Variants in ARHGEF4 observed in about 807,000 individuals in gnomAD.
ARHGEF4 encodes the protein Rho guanine nucleotide exchange factor 4, also known as APC-stimulated guanine nucleotide exchange factor 1.
Under a neutral mutation model 162.0 loss-of-function variants are expected in ARHGEF4, and 119 were observed. The ratio of observed to expected loss-of-function variants is 0.73; its 90% CI spans 0.63 to 0.86. The LOEUF is 0.86. ARHGEF4 is among the 40% of genes least tolerant of loss of function. ARHGEF4 has a pLI of 0.00. For synonymous variants in ARHGEF4, 1,014 were observed against 979.9 expected, an observed-to-expected ratio of 1.03 and a Z score of -0.65; for missense variants, 2,488 against 2,456.0, an observed-to-expected ratio of 1.01 and a Z score of -0.28.
chr2:131,044,000 C>T (rs1362107267), intron 11 of ARHGEF4, among the ~76,000 whole-genome samples: 1 of 152,188 alleles, frequency 6.6e-6, no homozygotes, highest in African/African-American at 2.4e-5. Context: ...CCTCCTTGTC[C>T]ACGGGTGATC....
chr2:131,011,901 C>G lies in ARHGEF4; in HGVS notation c.3986-16044C>G, dbSNP rs963597044. On this transcript the variant is annotated intron_variant, in intron 4 of 13. Coordinates refer to ENST00000409359, the MANE Select transcript of ARHGEF4 (RefSeq NM_001367493.1). Reference sequence around the variant, plus strand: ...GGCGGAGGGGCAGAGATGGGACCTGCACTGGAGGTACGTGGTGGACAGATG... The same window carrying G: ...GGCGGAGGGGCAGAGATGGGACCTGGACTGGAGGTACGTGGTGGACAGATG... 7 of 702,834 alleles carry G rather than the reference C, an allele frequency of 1.0e-5. No individual in the cohort carries two copies. In the African/African-American group the frequency reaches 1.0e-4, roughly 11 times the overall value. 43.5% of individuals were successfully genotyped at this position (702,834 alleles called of 1,614,324 possible). A position where few individuals can be genotyped will look rare whatever the true frequency, so the allele number is the denominator to read the frequency against.
At chr2:131,045,490 C>A in intron 13 of ARHGEF4, 44 bp downstream of exon 13, 1 of 1,613,608 alleles carries the variant, frequency 6.2e-7, no homozygotes, top group South Asian at 1.1e-5. Flanking sequence ...CCGGTCCTTA[C>A]CCTGCTGACA....
chr2:131,040,557 C>T (rs1248176996), intron 8 of ARHGEF4, 117 bp downstream of exon 8: 11 of 1,182,244 alleles, frequency 9.3e-6, no homozygotes, highest in Middle Eastern at 2.9e-4. Flanking sequence ...TGGGCCCCAG[C>T]TCCAGCCCTC....
intron 5 of ARHGEF4, among the ~76,000 whole-genome samples, chr2:131,031,734 G>T (rs988001474): frequency 1.3e-5 from 2 of 152,190 alleles, no homozygotes; most frequent in African/African-American, 4.8e-5. Context: ...TCCAGCACTG[G>T]CCCCTCTAGG....
At chr2:130,837,035 C>T in intron 1 of ARHGEF4, 43 bp downstream of exon 1, 4 of 1,225,894 alleles carry the variant, frequency 3.3e-6, no homozygotes, top group Non-Finnish European at 3.0e-6. Context: ...CTCCCGGCGC[C>T]CTGCGCGGGT....
intron 1 of ARHGEF4, among the ~76,000 whole-genome samples, chr2:130,868,353 T>C (rs1053909937): frequency 2.7e-5 from 4 of 150,750 alleles, no homozygotes; most frequent in South Asian, 2.1e-4. Context: ...CAGCAGACAG[T>C]CACCCAGCTG....
At chr2:130,837,631 A>C (rs1293979044) in intron 1 of ARHGEF4, 1 of 451,026 alleles carries the variant, frequency 2.2e-6, no homozygotes, top group Admixed American at 2.4e-5. Context: ...CAGGAACCCC[A>C]AGATGGGCCG....
chr2:131,041,187 G>T, intron 8 of ARHGEF4, 43 bp from the exon 9 acceptor site: 1 of 1,563,646 alleles, frequency 6.4e-7, no homozygotes, highest in Non-Finnish European at 8.7e-7. Flanking sequence ...ATTGCCTGTG[G>T]GAGCAGCAGA....
chr2:131,013,389 A>G (rs929783149), intron 4 of ARHGEF4, among the ~76,000 whole-genome samples: 2 of 152,188 alleles, frequency 1.3e-5, no homozygotes, highest in African/African-American at 4.8e-5. Context: ...GAGACCAGCC[A>G]GCATAAAAGG....
intron 5 of ARHGEF4, among the ~76,000 whole-genome samples, chr2:131,037,369 G>T (rs892057222): frequency 2.6e-5 from 4 of 151,900 alleles, no homozygotes; most frequent in Admixed American, 2.6e-4. Context: ...TGCCCATTCA[G>T]GCAGAGGCCT....
At chr2:130,941,631 A>G (rs1683303919) in intron 3 of ARHGEF4, among the ~76,000 whole-genome samples, 1 of 152,226 alleles carries the variant, frequency 6.6e-6, no homozygotes, top group African/African-American at 2.4e-5. Context: ...AGTAGTATAT[A>G]TAGTATTGTT....
At chr2:131,023,074 C>CAAAAAAAAAAAAAAAAAAAAAAAAA (rs56868632) in intron 4 of ARHGEF4, among the ~76,000 whole-genome samples, 1 of 66,650 alleles carries the variant, frequency 1.5e-5, no homozygotes, top group African/African-American at 5.5e-5. Flanking sequence ...AACCCTGTCT[C>CAAAAAAAAAAAAAAAAAAAAAAAAA]AAAAAAAAAA....
chr2:130,893,522 CT>C (rs1679980433), intron 1 of ARHGEF4, among the ~76,000 whole-genome samples: 1 of 152,208 alleles, frequency 6.6e-6, no homozygotes, highest in Non-Finnish European at 1.5e-5. Flanking sequence ...TGCCATGACT[CT>C]TTTCTGCTTT....
chr2:130,955,754 TG>T (rs1303265341), intron 4 of ARHGEF4, among the ~76,000 whole-genome samples: 2 of 152,256 alleles, frequency 1.3e-5, no homozygotes, highest in Non-Finnish European at 2.9e-5. Context: ...GTATTTCTTC[TG>T]ATCCTAGAAG....
At chr2:130,937,386 C>G (rs1683021509) in intron 3 of ARHGEF4, among the ~76,000 whole-genome samples, 1 of 152,028 alleles carries the variant, frequency 6.6e-6, no homozygotes, top group Non-Finnish European at 1.5e-5. Context: ...TTTTTTCTGC[C>G]TACTCAGACA....
chr2:130,945,706 A>C (rs977321229), intron 3 of ARHGEF4, among the ~76,000 whole-genome samples: 1 of 152,076 alleles, frequency 6.6e-6, no homozygotes, highest in African/African-American at 2.4e-5. Flanking sequence ...TCCCCAGTCT[A>C]CCTGCTGCTG....
intron 4 of ARHGEF4, among the ~76,000 whole-genome samples, chr2:131,012,873 G>A (rs749418311): frequency 3.9e-5 from 6 of 152,202 alleles, no homozygotes; most frequent in South Asian, 2.1e-4. Context: ...GAGCCACCGC[G>A]CCTGGCTATG....
intron 1 of ARHGEF4, among the ~76,000 whole-genome samples, chr2:130,903,119 A>ATT (rs56943344): frequency 0.54 from 77,486 of 144,322 alleles, 22,947 homozygotes; most frequent in East Asian, 0.76. Context: ...TCTTCTGCTT[A>ATT]TTTTTTTTTT....
At chr2:131,002,498 C>T (rs1308405183) in intron 4 of ARHGEF4, among the ~76,000 whole-genome samples, 1 of 152,002 alleles carries the variant, frequency 6.6e-6, no homozygotes, top group Non-Finnish European at 1.5e-5. Context: ...ATCACGAGGT[C>T]AGGAGATCGA....
Sources: gnomAD v4.1 joint callset for allele counts (sites outside exome capture counted in the v4.1 genomes callset) on GRCh38, gnomAD v4.1.1 for gene constraint, MANE v1.5 for transcripts, NCBI Gene and HGNC (gene_info 2026-07-23, HGNC 2026-07-21) for gene names.